ACACA: variants seen among roughly 807,000 people sequenced by gnomAD.
ACACA encodes acetyl-CoA carboxylase 1.
In ACACA, 103 loss-of-function variants were observed where a neutral mutation model predicts 296.1. That is an observed-to-expected ratio of 0.35 (90% CI 0.30 to 0.41). The LOEUF (loss-of-function observed/expected upper bound fraction) is 0.41. ACACA is among the 10% of genes least tolerant of loss of function. The pLI, the probability that ACACA is intolerant of heterozygous loss-of-function variation, is 1.00. For synonymous variants in ACACA, 953 were observed against 1,038.6 expected (o/e 0.92, Z 1.58); for missense variants, 1,554 against 2,989.7 (o/e 0.52, Z 11.20).
chr17:37,217,752 A>AAC (rs1395606765), intron 29 of ACACA, among the ~76,000 whole-genome samples: 1 of 132,526 alleles, frequency 7.5e-6, no homozygotes. Context: ...AAAAAAAAAA[A>AAC]AAAAAAAAAA....
At chr17:37,303,779 A>G (rs2146921081) in intron 3 of ACACA, among the ~76,000 whole-genome samples, 1 of 152,256 alleles carries the variant, frequency 6.6e-6, no homozygotes, top group South Asian at 2.1e-4. Context: ...AATCGCATGA[A>G]CCCAGGAGGC....
intron 3 of ACACA, among the ~76,000 whole-genome samples, chr17:37,320,129 A>G (rs865799644): frequency 2.6e-5 from 4 of 152,014 alleles, no homozygotes. Context: ...TGTCTGTAAA[A>G]AAAATTTTTC....
intron 1 of ACACA, among the ~76,000 whole-genome samples, chr17:37,403,595 C>T (rs1157303211): frequency 1.3e-5 from 2 of 151,794 alleles, no homozygotes; most frequent in Non-Finnish European, 2.9e-5. Flanking sequence ...CTCATGCCTC[C>T]TTGAACTCCT....
At chr17:37,098,773 G>A (rs767096616) in intron 52 of ACACA, among the ~76,000 whole-genome samples, 3 of 152,196 alleles carry the variant, frequency 2.0e-5, no homozygotes, top group South Asian at 2.1e-4. Flanking sequence ...GGATCACTGC[G>A]CACGGTACCC....
At chr17:37,166,054 C>G (rs2076653957) in intron 41 of ACACA, among the ~76,000 whole-genome samples, 2 of 152,144 alleles carry the variant, frequency 1.3e-5, no homozygotes. Context: ...TATAGCATCT[C>G]CTCTAGTGCT....
chr17:37,158,504 G>T (rs2076339642), intron 42 of ACACA, among the ~76,000 whole-genome samples: 1 of 151,938 alleles, frequency 6.6e-6, no homozygotes, highest in South Asian at 2.1e-4. Context: ...CTGGTGCATG[G>T]TTGTAGTCCC....
At chr17:37,198,733 A>C (rs1435559274) in intron 35 of ACACA, among the ~76,000 whole-genome samples, 1 of 152,238 alleles carries the variant, frequency 6.6e-6, no homozygotes, top group Non-Finnish European at 1.5e-5. Flanking sequence ...AGAAAATCTT[A>C]GCTCTCTTGT....
intron 50 of ACACA, among the ~76,000 whole-genome samples, chr17:37,116,213 G>A (rs1056053991): frequency 5.3e-5 from 8 of 152,176 alleles, no homozygotes; most frequent in East Asian, 1.9e-4. Flanking sequence ...GACTGGTCTC[G>A]CTGAGCTCAA....
intron 1 of ACACA, among the ~76,000 whole-genome samples, chr17:37,399,012 T>G (rs1023855740): frequency 1.3e-5 from 2 of 150,086 alleles, no homozygotes; most frequent in African/African-American, 4.9e-5. Context: ...GGAGTTTCAC[T>G]CTTGTTGCCC....
At chr17:37,112,315 G>A (rs2142996915) in intron 51 of ACACA, among the ~76,000 whole-genome samples, 1 of 152,170 alleles carries the variant, frequency 6.6e-6, no homozygotes, top group East Asian at 1.9e-4. Context: ...TATAGATAAT[G>A]TTTACTATGT....
At chr17:37,372,771 C>T (rs1456506715) in intron 1 of ACACA, among the ~76,000 whole-genome samples, 1 of 152,132 alleles carries the variant, frequency 6.6e-6, no homozygotes, top group Non-Finnish European at 1.5e-5. Context: ...ATATACTCTG[C>T]TCCACTGATA....
At chr17:37,133,676 C>T (rs1221633928) in intron 45 of ACACA, among the ~76,000 whole-genome samples, 1 of 152,196 alleles carries the variant, frequency 6.6e-6, no homozygotes, top group Non-Finnish European at 1.5e-5. Context: ...AAACTTTGAC[C>T]TACGCATTTC....
rs574779194 is a variant in ACACA at position 37,165,516 on chromosome 17, C to T, written c.5080-3466G>A. Among the ~76,000 whole-genome samples the T allele has an allele frequency of 9.2e-5, 14 of 152,198 alleles. No homozygotes were observed. The South Asian group carries it at 2.7e-3, about 29-fold the overall frequency. ...CAGAAATCTACTATATTAACTTCTA[C>T]GTAAAAAACTTTGTCTTTCTCTCTC... is the stretch of plus-strand genomic sequence containing the variant. On this transcript the variant is annotated intron_variant, in intron 41 of 55. Coordinates refer to ENST00000616317, the MANE Select transcript of ACACA (RefSeq NM_198834.3).
chr17:37,389,912 G>T lies in ACACA; in HGVS notation c.38+16350C>A, dbSNP rs564623072. Among the ~76,000 whole-genome samples, 11 of 150,234 alleles carry T rather than the reference G, an allele frequency of 7.3e-5. No individual in the cohort carries two copies. In the South Asian group the frequency reaches 2.3e-3, roughly 32 times the overall value. On this transcript the variant is annotated intron_variant, in intron 1 of 55. Coordinates refer to ENST00000616317, the MANE Select transcript of ACACA (RefSeq NM_198834.3). Reference sequence around the variant, plus strand: ...ATCAGTCCAGACATGATACAATAGGGTGCTTATTGAATACACATACCTCTG... The same window carrying T: ...ATCAGTCCAGACATGATACAATAGGTTGCTTATTGAATACACATACCTCTG...
At position 37,339,512 on chromosome 17, in the gene ACACA, A is replaced by C. The variant is rs2048288680; in HGVS notation, c.85+292T>G. The stretch of plus-strand genomic sequence containing the variant: ...AGTATTTCCCAGGCACGAGCCTACA[A>C]ACCAACAGAAAAGAGAGGTCATGTA... On this transcript the variant is annotated intron_variant, in intron 2 of 55. Transcript: ENST00000616317. 6.6e-6 allele frequency among the ~76,000 whole-genome samples: 1 copy of C among 152,216 alleles called. No homozygotes were observed. The highest frequency in any genetic ancestry group is 1.9e-4 in the East Asian group (1 of 5,200).
At position 37,165,655 on chromosome 17, in the gene ACACA, C is replaced by T. The variant is rs1233597992; in HGVS notation, c.5080-3605G>A. 3.3e-5 allele frequency among the ~76,000 whole-genome samples: 5 copies of T among 151,588 alleles called. No homozygotes were observed. In the East Asian group the frequency reaches 5.8e-4, roughly 18 times the overall value. On this transcript the variant is annotated intron_variant, in intron 41 of 55. Transcript: ENST00000616317. ...AATTCCTATCTTTTCTGATCTCCTACTAAGACCTCTGTGTAGAGAATTTTT... is the reference window on the plus strand; with the variant it reads ...AATTCCTATCTTTTCTGATCTCCTATTAAGACCTCTGTGTAGAGAATTTTT...
chr17:37,108,421 T>C (rs1479349968), intron 52 of ACACA, among the ~76,000 whole-genome samples: 3 of 151,820 alleles, frequency 2.0e-5, no homozygotes, highest in Non-Finnish European at 2.9e-5. Flanking sequence ...AGGGATTTGC[T>C]CTTCTTGCCC....
chr17:37,388,604 A>T (rs900985469), intron 1 of ACACA: 54 of 1,535,230 alleles, frequency 3.5e-5, no homozygotes, highest in Non-Finnish European at 4.7e-5. Flanking sequence ...CTTCAGGTCA[A>T]AGGATCAATC....
chr17:37,102,755 A>G (rs2073440949), intron 52 of ACACA, among the ~76,000 whole-genome samples: 3 of 152,256 alleles, frequency 2.0e-5, no homozygotes, highest in Admixed American at 2.0e-4. Context: ...GGCTTCGCCA[A>G]GTTGGAAGGA....
Sources: allele counts gnomAD v4.1 joint callset (sites outside exome capture counted in the v4.1 genomes callset), GRCh38; gene constraint gnomAD v4.1.1; transcripts MANE v1.5; gene names NCBI Gene and HGNC (gene_info 2026-07-23, HGNC 2026-07-21).